LAMA2: variants seen among roughly 807,000 people sequenced by gnomAD.
The protein encoded by LAMA2 is laminin subunit alpha-2.
A neutral mutation model predicts 364.8 loss-of-function variants in LAMA2; 269 were observed. That is an observed-to-expected ratio of 0.74 (90% CI 0.67 to 0.82). The LOEUF (loss-of-function observed/expected upper bound fraction) is 0.82. LAMA2 is among the 40% of genes least tolerant of loss of function. LAMA2 has a pLI of 0.00. For missense variants in LAMA2, 3,807 were observed against 3,873.2 expected (o/e 0.98, Z 0.45); for synonymous variants, 1,379 against 1,370.6 (o/e 1.01, Z -0.14).
chr6:129,392,911 A>T, intron 36 of LAMA2, 134 bp from the exon 37 acceptor site: 1 of 685,952 alleles, frequency 1.5e-6, no homozygotes. Flanking sequence ...GCACACAGTG[A>T]ATCTATTTTA....
At chr6:129,418,753 T>C in intron 40 of LAMA2, among the ~76,000 whole-genome samples, 1 of 152,284 alleles carries the variant, frequency 6.6e-6, no homozygotes, top group East Asian at 1.9e-4. Flanking sequence ...TCACCTAATG[T>C]ACCAATAATG....
chr6:129,300,647 G>T (rs1363533950), intron 21 of LAMA2, 89 bp from the exon 22 acceptor site: 1 of 1,373,602 alleles, frequency 7.3e-7, no homozygotes, highest in Admixed American at 1.7e-5. Context: ...AAGAAAATAA[G>T]ACAAACCAAC....
Position 129,389,834 on chromosome 6 carries a change from C to T in LAMA2, c.5072-1657C>T, listed in dbSNP as rs116746687. Among the ~76,000 whole-genome samples the T allele has an allele frequency of 6.0e-3, 916 of 152,228 alleles. 8 individuals are homozygous for T. Among genetic ancestry groups the T allele is most frequent in the African/African-American group, 0.021 (857 of 41,524 alleles). On this transcript the variant is annotated intron_variant, in intron 35 of 64. Coordinates refer to ENST00000421865, the MANE Select transcript of LAMA2 (RefSeq NM_000426.4). ...GAACAGCAAGGGGGGAGGTTTGCTC[C>T]CATGATTCAGTCACCACCCACCAGG...
chr6:129,397,833 A>T (rs1336077404), intron 37 of LAMA2, among the ~76,000 whole-genome samples: 2 of 149,712 alleles, frequency 1.3e-5, no homozygotes, highest in African/African-American at 4.9e-5. Context: ...CCTACTCGGG[A>T]GGCTGAGGCA....
chr6:128,904,514 G>A (rs1256706636), intron 1 of LAMA2, among the ~76,000 whole-genome samples: 2 of 148,808 alleles, frequency 1.3e-5, no homozygotes, highest in Admixed American at 6.8e-5. Flanking sequence ...GAGTGCAATG[G>A]CGTGATCTTG....
intron 1 of LAMA2, among the ~76,000 whole-genome samples, chr6:129,031,303 G>T (rs1260436904): frequency 6.6e-6 from 1 of 152,204 alleles, no homozygotes; most frequent in East Asian, 1.9e-4. Context: ...ACTTTTTCAT[G>T]CAACACTCAT....
chr6:129,291,592 C>T, intron 19 of LAMA2, 22 bp from the exon 20 acceptor site: 1 of 1,579,162 alleles, frequency 6.3e-7, no homozygotes, highest in Non-Finnish European at 8.7e-7. Context: ...TTCCTGATCA[C>T]AGGTCTCTCT....
Position 129,300,691 on chromosome 6 carries a change from T to C in LAMA2, c.3038-45T>C, listed in dbSNP as rs1397767662. ...AAACTCAACACTTTGTGTCAAATTT[T>C]TACTATTTTTCCCCTTCTTTGTTTT... On this transcript the variant is annotated intron_variant, in intron 21 of 64. Coordinates refer to ENST00000421865, the MANE Select transcript of LAMA2 (RefSeq NM_000426.4). 5 of 1,604,836 alleles carry C rather than the reference T, an allele frequency of 3.1e-6. No individual in the cohort carries two copies. In the South Asian group the frequency reaches 5.5e-5, roughly 18 times the overall value.
intron 15 of LAMA2, among the ~76,000 whole-genome samples, chr6:129,261,435 G>T (rs1013519572): frequency 2.6e-5 from 4 of 152,032 alleles, no homozygotes; most frequent in South Asian, 4.2e-4. Flanking sequence ...ACTTAATACC[G>T]CAGTGTGTCA....
chr6:129,158,708 C>G, intron 8 of LAMA2: 1 of 1,613,970 alleles, frequency 6.2e-7, no homozygotes, highest in Non-Finnish European at 8.5e-7. Flanking sequence ...CAACAGGGGG[C>G]ATGTGGGTTG....
At chr6:129,185,388 A>T (rs1318055551) in intron 10 of LAMA2, among the ~76,000 whole-genome samples, 1 of 151,850 alleles carries the variant, frequency 6.6e-6, no homozygotes, top group African/African-American at 2.4e-5. Flanking sequence ...ACTTAGTAAA[A>T]TTTTTCTAAT....
At chr6:129,324,872 C>A (rs1302847501) in intron 28 of LAMA2, among the ~76,000 whole-genome samples, 2 of 152,190 alleles carry the variant, frequency 1.3e-5, no homozygotes, top group East Asian at 3.8e-4. Flanking sequence ...CATGACTGTA[C>A]AATATTCCTA....
At chr6:128,895,184 A>G (rs188033271) in intron 1 of LAMA2, among the ~76,000 whole-genome samples, 1 of 152,316 alleles carries the variant, frequency 6.6e-6, no homozygotes, top group Non-Finnish European at 1.5e-5. Context: ...TGGAAAAAGC[A>G]GGAAGTGTTA....
chr6:128,905,992 C>T (rs1287153184), intron 1 of LAMA2, among the ~76,000 whole-genome samples: 2 of 150,034 alleles, frequency 1.3e-5, no homozygotes, highest in African/African-American at 2.4e-5. Context: ...GCATAGTATT[C>T]CATGGTGTAT....
rs115019611 is a variant in LAMA2, at chr6:129,178,649, G to A, written c.1467+783G>A. 7.0e-3 allele frequency among the ~76,000 whole-genome samples: 1,071 copies of A among 152,094 alleles called. 12 individuals are homozygous for A. The highest frequency in any genetic ancestry group is 0.025 in the African/African-American group (1,017 of 41,472). On this transcript the variant is annotated intron_variant, in intron 10 of 64. Coordinates refer to ENST00000421865, the MANE Select transcript of LAMA2 (RefSeq NM_000426.4). ...ATACCATACTTATGTAAAAATGAAA[G>A]TTACTACTTTTTTCTTTATTTTCAA...
intron 12 of LAMA2, among the ~76,000 whole-genome samples, chr6:129,219,079 G>A (rs771058821): frequency 1.3e-5 from 2 of 152,054 alleles, no homozygotes; most frequent in South Asian, 4.1e-4. Context: ...CAAAATACAT[G>A]GGTCAAAAAG....
At chr6:128,951,671 T>A (rs1247697611) in intron 1 of LAMA2, among the ~76,000 whole-genome samples, 2 of 152,168 alleles carry the variant, frequency 1.3e-5, no homozygotes, top group Non-Finnish European at 2.9e-5. Flanking sequence ...TCTAGTGTCA[T>A]CAAGGCTAAT....
chr6:128,900,998 A>G (rs1777050717), intron 1 of LAMA2, among the ~76,000 whole-genome samples: 1 of 152,158 alleles, frequency 6.6e-6, no homozygotes, highest in Admixed American at 6.5e-5. Flanking sequence ...ACAAAAATAA[A>G]ATGAAAAAAT....
At chr6:129,331,167 C>G (rs1021828757) in intron 29 of LAMA2, among the ~76,000 whole-genome samples, 7 of 152,158 alleles carry the variant, frequency 4.6e-5, no homozygotes. Context: ...TAAGCCACTG[C>G]GCCCGGCCAC....
Sources: gnomAD v4.1 joint callset for allele counts (sites outside exome capture counted in the v4.1 genomes callset) on GRCh38, gnomAD v4.1.1 for gene constraint, MANE v1.5 for transcripts, NCBI Gene and HGNC (gene_info 2026-07-23, HGNC 2026-07-21) for gene names.